The following NAALAD2 variants were observed in gnomAD, a reference collection of about 807,000 sequenced individuals.
The protein encoded by NAALAD2 is N-acetylated alpha-linked acidic dipeptidase 2.
Under a neutral mutation model 95.6 loss-of-function variants are expected in NAALAD2, and 89 were observed. The observed-to-expected ratio is 0.93, with a 90% CI of 0.78 to 1.11. The LOEUF is 1.11. Ranked by LOEUF, NAALAD2 falls within the 50% of genes least tolerant of loss-of-function variation. NAALAD2 has a pLI of 0.00. For synonymous variants in NAALAD2, 264 were observed against 294.4 expected, an observed-to-expected ratio of 0.90 and a Z score of 1.06; for missense variants, 894 against 872.4, an observed-to-expected ratio of 1.02 and a Z score of -0.31.
At chr11:90,144,121 T>C (rs1018030087) in intron 2 of NAALAD2, among the ~76,000 whole-genome samples, 6 of 152,050 alleles carry the variant, frequency 3.9e-5, no homozygotes, top group South Asian at 2.1e-4. Flanking sequence ...GAGATACACA[T>C]ACAAAAATTA....
chr11:90,144,614 C>A (rs1249992194), intron 2 of NAALAD2, among the ~76,000 whole-genome samples: 1 of 151,616 alleles, frequency 6.6e-6, no homozygotes, highest in Admixed American at 6.6e-5. Context: ...TTGTGGCATG[C>A]ACCTGTAATC....
chr11:90,149,849 T>G (rs1951842241), intron 4 of NAALAD2, among the ~76,000 whole-genome samples: 1 of 152,206 alleles, frequency 6.6e-6, no homozygotes, highest in Non-Finnish European at 1.5e-5. Flanking sequence ...ATTAATGCAA[T>G]GGTTGGAAAT....
At chr11:90,170,996 C>T (rs1952617138) in intron 13 of NAALAD2, among the ~76,000 whole-genome samples, 1 of 152,030 alleles carries the variant, frequency 6.6e-6, no homozygotes, top group Admixed American at 6.5e-5. Flanking sequence ...TGTTTTATGT[C>T]AGTGTAGTGA....
In NAALAD2 at chr11:90,192,595, G is replaced by A. The variant is rs1051098126; in HGVS notation, c.*848G>A. On this transcript the variant is annotated 3_prime_UTR_variant, in exon 19 of 19. Coordinates refer to ENST00000534061, the MANE Select transcript of NAALAD2 (RefSeq NM_005467.4). The stretch of plus-strand genomic sequence containing the variant: ...GTATGAAAATTAAGCCTCAATAAAC[G>A]TGATTATAAAAAACAAGTCTGCAAG... The A allele has an allele frequency of 6.6e-6, 1 of 151,890 alleles. No individual in the cohort carries two copies. Among genetic ancestry groups the A allele is most frequent in the African/African-American group, 2.4e-5 (1 of 41,414 alleles). 9.4% of individuals were successfully genotyped at this position (151,890 alleles called of 1,614,324 possible). A position where few individuals can be genotyped will look rare whatever the true frequency, so the allele number is the denominator to read the frequency against.
In NAALAD2 at chr11:90,183,024, G is replaced by A; in HGVS notation, c.2033+16G>A. 1 of 1,587,658 alleles carries A rather than the reference G, an allele frequency of 6.3e-7. No homozygotes were observed. ...TGTTCTATAGGTAAGGAAACAACAG[G>A]CGCCAAATACATCACTGTGACCAAA... On this transcript the variant is annotated intron_variant, in intron 18 of 18. Coordinates refer to ENST00000534061, the MANE Select transcript of NAALAD2 (RefSeq NM_005467.4).
chr11:90,149,666 G>T (rs1951838022), intron 4 of NAALAD2, among the ~76,000 whole-genome samples: 1 of 151,824 alleles, frequency 6.6e-6, no homozygotes, highest in Non-Finnish European at 1.5e-5. Context: ...TCGAACTCCC[G>T]ACCTCAGGTG....
intron 7 of NAALAD2, 31 bp from the exon 8 acceptor site, chr11:90,159,207 CT>C: frequency 2.0e-6 from 3 of 1,511,902 alleles, no homozygotes; most frequent in East Asian, 2.3e-5. Context: ...TTGTGGTAGC[CT>C]TTTTCTGTCA....
chr11:90,155,954 G>T (rs1478539050), intron 6 of NAALAD2, among the ~76,000 whole-genome samples: 2 of 145,916 alleles, frequency 1.4e-5, no homozygotes, highest in Admixed American at 1.4e-4. Flanking sequence ...ATTCTCAAGT[G>T]AGCCTTGGTA....
upstream of NAALAD2, chr11:90,132,138 T>G (rs1262802493): frequency 6.6e-6 from 1 of 152,658 alleles, no homozygotes; most frequent in Non-Finnish European, 1.5e-5. Context: ...GCCAGCTAAC[T>G]GGGCTTTTTA....
Position 90,177,957 on chromosome 11 carries a change from G to C in NAALAD2, c.1698G>C (p.Val566=), listed in dbSNP as rs1447873454. The C allele has an allele frequency of 1.2e-6, 2 of 1,613,474 alleles. No individual in the cohort carries two copies. Among genetic ancestry groups the C allele is most frequent in the Admixed American group, 3.3e-5 (2 of 59,954 alleles). ...CCACATTTAAAAAACAACTTTCTGT[G>C]GCTCAATTACGAGGAGCACTGGTAT... is the stretch of plus-strand genomic sequence containing the variant. ...YDPTFKKQLS[V]AQLRGALVYE... is the part of the protein sequence containing the mutation. Residue 566 remains valine, a synonymous_variant, in exon 16 of 19, where the codon GTG becomes GTC. Coordinates refer to ENST00000534061, the MANE Select transcript of NAALAD2 (RefSeq NM_005467.4).
chr11:90,145,514 T>G (rs373951926), intron 2 of NAALAD2, among the ~76,000 whole-genome samples: 2 of 152,248 alleles, frequency 1.3e-5, no homozygotes, highest in East Asian at 3.8e-4. Flanking sequence ...GTTTTGCTTT[T>G]TTATTCCTAT....
upstream of NAALAD2, among the ~76,000 whole-genome samples, chr11:90,133,826 ACT>A (rs1460447135): frequency 9.0e-6 from 1 of 111,078 alleles, no homozygotes; most frequent in Non-Finnish European, 1.9e-5. Flanking sequence ...CAGGAAAGAA[ACT>A]CTTTTTTTTT....
chr11:90,134,957 C>A, intron 1 of NAALAD2, 117 bp downstream of exon 1: 1 of 1,129,940 alleles, frequency 8.9e-7, no homozygotes, highest in Non-Finnish European at 1.3e-6. Flanking sequence ...GCCGGCTGGG[C>A]TAGATATGAT....
intron 9 of NAALAD2, 102 bp from the exon 10 acceptor site, chr11:90,163,208 T>C (rs1248808647): frequency 4.5e-6 from 6 of 1,340,664 alleles, no homozygotes; most frequent in East Asian, 2.3e-5. Flanking sequence ...TTGTCTTCTA[T>C]AGAGGAAACT....
chr11:90,187,833 TTAGAC>T (rs1378003587), intron 18 of NAALAD2, among the ~76,000 whole-genome samples: 1 of 152,156 alleles, frequency 6.6e-6, no homozygotes, highest in Non-Finnish European at 1.5e-5. Flanking sequence ...ACTAAGAAAA[TTAGAC>T]TAATCTGATG....
At chr11:90,137,929 C>G (rs1951493380) in intron 2 of NAALAD2, among the ~76,000 whole-genome samples, 1 of 151,956 alleles carries the variant, frequency 6.6e-6, no homozygotes. Context: ...AAGCATAGGC[C>G]ACCATCCCCA....
At chr11:90,145,465 T>C (rs1951727919) in intron 2 of NAALAD2, among the ~76,000 whole-genome samples, 1 of 152,204 alleles carries the variant, frequency 6.6e-6, no homozygotes, top group South Asian at 2.1e-4. Context: ...GAAACAAAAA[T>C]AATGAATTGT....
chr11:90,133,204 C>A (rs1951379589), upstream of NAALAD2, among the ~76,000 whole-genome samples: 1 of 152,182 alleles, frequency 6.6e-6, no homozygotes, highest in Non-Finnish European at 1.5e-5. Context: ...ATACTACCAT[C>A]TTTGAAATCA....
chr11:90,155,058 A>G (rs147035366), intron 6 of NAALAD2, among the ~76,000 whole-genome samples: 2,583 of 121,424 alleles, frequency 0.021, 156 homozygotes, highest in African/African-American at 0.08. Context: ...TATTATATAC[A>G]TATACATATG....
Sources: gnomAD v4.1 joint callset for allele counts (sites outside exome capture counted in the v4.1 genomes callset) on GRCh38, gnomAD v4.1.1 for gene constraint, MANE v1.5 for transcripts, NCBI Gene and HGNC (gene_info 2026-07-23, HGNC 2026-07-21) for gene names.